The following AUTS2 variants were observed in gnomAD, a reference collection of about 807,000 sequenced individuals.
AUTS2 encodes activator of transcription and developmental regulator AUTS2.
Under a neutral mutation model 112.4 loss-of-function variants are expected in AUTS2, and 17 were observed. The observed-to-expected ratio is 0.15, with a 90% confidence interval of 0.10 to 0.23. The LOEUF is 0.23. AUTS2 is among the 10% of genes least tolerant of loss of function. The pLI, the probability that AUTS2 is intolerant of heterozygous loss-of-function variation, is 1.00. For missense variants in AUTS2, 1,510 were observed against 1,701.6 expected (o/e 0.89, Z 1.98); for synonymous variants, 751 against 702.7 (o/e 1.07, Z -1.09).
intron 2 of AUTS2, among the ~76,000 whole-genome samples, chr7:70,004,918 G>A (rs1039986788): frequency 8.6e-5 from 13 of 151,760 alleles, no homozygotes; most frequent in African/African-American, 2.7e-4. Context: ...TCTGCCTCCC[G>A]GGTTTGAGTA....
intron 4 of AUTS2, among the ~76,000 whole-genome samples, chr7:70,166,029 T>A (rs530750215): frequency 1.3e-5 from 2 of 152,312 alleles, no homozygotes; most frequent in East Asian, 3.9e-4. Context: ...TGCTCTCTCC[T>A]GCTCCCCTAT....
intron 4 of AUTS2, among the ~76,000 whole-genome samples, chr7:70,193,820 C>T (rs562653231): frequency 9.8e-5 from 15 of 152,314 alleles, no homozygotes; most frequent in African/African-American, 3.6e-4. Context: ...GTGTAACCTA[C>T]TGTCAGTGTT....
intron 4 of AUTS2, among the ~76,000 whole-genome samples, chr7:70,176,885 C>T (rs1480530503): frequency 6.6e-6 from 1 of 152,130 alleles, no homozygotes; most frequent in East Asian, 1.9e-4. Context: ...TCAGATCATA[C>T]CCTGGAAGTT....
At chr7:69,911,753 A>G (rs896940726) in intron 2 of AUTS2, among the ~76,000 whole-genome samples, 2 of 152,130 alleles carry the variant, frequency 1.3e-5, no homozygotes, top group Non-Finnish European at 2.9e-5. Flanking sequence ...TTAGAAGGGA[A>G]GAAGTACATG....
At chr7:69,861,747 C>G (rs1792992761) in intron 1 of AUTS2, among the ~76,000 whole-genome samples, 1 of 152,150 alleles carries the variant, frequency 6.6e-6, no homozygotes. Context: ...CTGAAGCTTT[C>G]CTTGGAATCT....
At chr7:70,579,830 G>A (rs1802352969) in intron 5 of AUTS2, among the ~76,000 whole-genome samples, 1 of 152,176 alleles carries the variant, frequency 6.6e-6, no homozygotes, top group Non-Finnish European at 1.5e-5. Flanking sequence ...ATTTAGTTGG[G>A]AGATTGGCTG....
At chr7:70,619,726 T>C (rs926897912) in intron 5 of AUTS2, among the ~76,000 whole-genome samples, 2 of 152,158 alleles carry the variant, frequency 1.3e-5, no homozygotes, top group Non-Finnish European at 2.9e-5. Flanking sequence ...ATTGCCTGTT[T>C]GGAGGAAGGA....
chr7:70,267,579 C>T (rs1417533882), intron 4 of AUTS2, among the ~76,000 whole-genome samples: 1 of 152,146 alleles, frequency 6.6e-6, no homozygotes, highest in South Asian at 2.1e-4. Context: ...GCTCCATGGC[C>T]TGAATTTCGT....
chr7:70,346,389 C>T (rs1344818754), intron 4 of AUTS2, among the ~76,000 whole-genome samples: 2 of 152,198 alleles, frequency 1.3e-5, no homozygotes, highest in Non-Finnish European at 2.9e-5. Flanking sequence ...GTGCTGCGAT[C>T]TGAGGCCAGT....
At chr7:70,463,409 C>T (rs1163538442) in intron 5 of AUTS2, among the ~76,000 whole-genome samples, 1 of 152,146 alleles carries the variant, frequency 6.6e-6, no homozygotes, top group Non-Finnish European at 1.5e-5. Context: ...GTTTCATGCC[C>T]CCTTGGTAGG....
rs141884582 is a variant in AUTS2 at position 70,234,143 on chromosome 7, C to T, written c.660+99572C>T. 2.1e-3 allele frequency among the ~76,000 whole-genome samples: 323 copies of T among 152,264 alleles called. 1 individual carries two copies. Among genetic ancestry groups the T allele is most frequent in the African/African-American group, 7.4e-3 (309 of 41,532 alleles). ...TCAGAAGCCATAGATATTTGCGCTTCTCATAGGCTGTGCTTTTCTGATACT... is the reference window on the plus strand; with the variant it reads ...TCAGAAGCCATAGATATTTGCGCTTTTCATAGGCTGTGCTTTTCTGATACT... On this transcript the variant is annotated intron_variant, in intron 4 of 18. Coordinates refer to ENST00000342771, the MANE Select transcript of AUTS2 (RefSeq NM_015570.4).
At chr7:70,267,016 A>C (rs1787460989) in intron 4 of AUTS2, among the ~76,000 whole-genome samples, 1 of 152,216 alleles carries the variant, frequency 6.6e-6, no homozygotes, top group Non-Finnish European at 1.5e-5. Flanking sequence ...CAGCGCAATA[A>C]TGGAACTTTC....
intron 15 of AUTS2, chr7:70,782,827 G>A (rs757176088): frequency 6.6e-6 from 1 of 152,204 alleles, no homozygotes; most frequent in Non-Finnish European, 1.5e-5. Flanking sequence ...TTCAGGAAGA[G>A]AGAAGCACCC....
chr7:70,110,016 G>A (rs1358652794), intron 2 of AUTS2, among the ~76,000 whole-genome samples: 4 of 152,056 alleles, frequency 2.6e-5, no homozygotes, highest in Non-Finnish European at 5.9e-5. Flanking sequence ...AAATAGTATC[G>A]TAATATCCTC....
At chr7:70,731,300 TGACGGTCAA>T (rs1338225611) in intron 6 of AUTS2, among the ~76,000 whole-genome samples, 1 of 151,708 alleles carries the variant, frequency 6.6e-6, no homozygotes, top group African/African-American at 2.4e-5. Flanking sequence ...TCATTCCAAA[TGACGGTCAA>T]GAAGATACTA....
At chr7:69,903,118 C>CT (rs988428440) in intron 2 of AUTS2, among the ~76,000 whole-genome samples, 4 of 151,686 alleles carry the variant, frequency 2.6e-5, no homozygotes, top group Admixed American at 6.6e-5. Context: ...GGACATGGTA[C>CT]TTTTTTTTTC....
At chr7:69,837,792 AG>A (rs1168637761) in intron 1 of AUTS2, among the ~76,000 whole-genome samples, 1 of 152,206 alleles carries the variant, frequency 6.6e-6, no homozygotes, top group Non-Finnish European at 1.5e-5. Context: ...AGTGACACTG[AG>A]CCTCTTATTA....
chr7:69,898,589 G>A (rs1295350175), intron 1 of AUTS2, among the ~76,000 whole-genome samples: 1 of 152,136 alleles, frequency 6.6e-6, no homozygotes, highest in East Asian at 1.9e-4. Flanking sequence ...CTTACCTGTA[G>A]TTTCTACAGA....
intron 1 of AUTS2, among the ~76,000 whole-genome samples, chr7:69,653,706 G>A (rs762147189): frequency 1.5e-4 from 23 of 149,898 alleles, no homozygotes; most frequent in African/African-American, 1.2e-4. Context: ...ATTGATTCAC[G>A]ATTACCTACT....
Sources: allele counts gnomAD v4.1 joint callset (sites outside exome capture counted in the v4.1 genomes callset), GRCh38; gene constraint gnomAD v4.1.1; transcripts MANE v1.5; gene names NCBI Gene and HGNC (gene_info 2026-07-23, HGNC 2026-07-21).